MMS22L: variants seen among roughly 807,000 people sequenced by gnomAD.
MMS22L encodes the protein protein MMS22-like.
MMS22L carries 74 observed loss-of-function variants against 159.1 expected under a neutral mutation model. That is an observed-to-expected ratio of 0.47 (90% CI 0.39 to 0.56). The LOEUF is 0.56. Ranked by LOEUF, MMS22L falls within the 20% of genes least tolerant of loss-of-function variation. The probability of loss-of-function intolerance (pLI) is 0.00; values close to 1 mark genes in which losing one functional copy is unlikely to be tolerated. For synonymous variants in MMS22L, 517 were observed against 506.9 expected (o/e 1.02, Z -0.27); for missense variants, 1,351 against 1,422.1 (o/e 0.95, Z 0.80).
rs562911705 is a variant in MMS22L at position 97,279,887 on chromosome 6, A to G, written c.291-989T>C. On this transcript the variant is annotated intron_variant, in intron 3 of 24. Coordinates refer to ENST00000683635, the MANE Select transcript of MMS22L (RefSeq NM_001350599.2). ...TCATACAGTTATACAATAGAAGTTCAAAAAAGGAATAATGTAGACTAAAGT... is the reference window on the plus strand; with the variant it reads ...TCATACAGTTATACAATAGAAGTTCGAAAAAGGAATAATGTAGACTAAAGT... Among the ~76,000 whole-genome samples the G allele has an allele frequency of 2.0e-4, 30 of 152,310 alleles. 1 individual carries two copies. Among genetic ancestry groups the G allele is most frequent in the Middle Eastern group, 3.4e-3 (1 of 292 alleles).
At chr6:97,199,290 T>C (rs568231773) in intron 14 of MMS22L, among the ~76,000 whole-genome samples, 4 of 152,182 alleles carry the variant, frequency 2.6e-5, no homozygotes, top group Non-Finnish European at 5.9e-5. Flanking sequence ...TTTTTCCTAA[T>C]TGTTGGTAAT....
At position 97,263,466 on chromosome 6, in the gene MMS22L, A is replaced by G. The variant is rs750247808; in HGVS notation, c.829-18T>C. ...GACCTAACCTATAGAAAATAACCAA[A>G]ATGTGTTATTTATAAGACAGCAGCA... is the stretch of plus-strand genomic sequence containing the variant. On this transcript the variant is annotated intron_variant, in intron 8 of 24. Transcript: ENST00000683635. The G allele has an allele frequency of 5.2e-6, 7 of 1,333,674 alleles. No homozygotes were observed. Among genetic ancestry groups the G allele is most frequent in the Non-Finnish European group, 7.2e-6 (7 of 977,520 alleles). The allele number at this position is 1,333,674 out of a possible 1,614,324, so 82.6% of individuals were successfully genotyped here. A position where few individuals can be genotyped will look rare whatever the true frequency, so the allele number is the denominator to read the frequency against.
chr6:97,165,099 A>T lies in MMS22L; in HGVS notation c.3221+147T>A, dbSNP rs988259454. ...CCATAAGCAAATGTCATTTTAATAA[A>T]ATCTTAGATAATGCTTCTCAGGAAA... On this transcript the variant is annotated intron_variant, in intron 21 of 24. Transcript: ENST00000683635. 11 of 644,502 alleles carry T rather than the reference A, an allele frequency of 1.7e-5. No individual in the cohort carries two copies. The African/African-American group carries it at 1.8e-4, about 11-fold the overall frequency. The allele number at this position is 644,502 out of a possible 1,614,324, so 39.9% of individuals were successfully genotyped here.
chr6:97,240,777 C>T (rs925888479), intron 11 of MMS22L, among the ~76,000 whole-genome samples: 1 of 152,218 alleles, frequency 6.6e-6, no homozygotes, highest in Admixed American at 6.5e-5. Flanking sequence ...CAGGCACATG[C>T]CACCACACCC....
chr6:97,206,382 TACACAC>T (rs58135635), intron 14 of MMS22L, among the ~76,000 whole-genome samples: 5 of 146,734 alleles, frequency 3.4e-5, no homozygotes, highest in East Asian at 2.0e-4. Flanking sequence ...ACCTCGCATG[TACACAC>T]ACACACACAC....
intron 4 of MMS22L, among the ~76,000 whole-genome samples, chr6:97,273,562 T>G (rs1385893965): frequency 6.6e-6 from 1 of 152,194 alleles, no homozygotes; most frequent in East Asian, 1.9e-4. Context: ...CTCCAGACCT[T>G]CCGTGTTAAA....
At chr6:97,196,747 C>T (rs1039154599) in intron 14 of MMS22L, among the ~76,000 whole-genome samples, 14 of 151,928 alleles carry the variant, frequency 9.2e-5, no homozygotes, top group African/African-American at 2.9e-4. Context: ...TGTTACAATG[C>T]TAGTTGTCTC....
At chr6:97,229,699 C>T (rs1348699801) in intron 13 of MMS22L, among the ~76,000 whole-genome samples, 1 of 152,004 alleles carries the variant, frequency 6.6e-6, no homozygotes, top group African/African-American at 2.4e-5. Context: ...ATTCAAGTCC[C>T]CCATCACCTT....
intron 9 of MMS22L, chr6:97,259,960 G>C (rs1228498719): frequency 6.6e-6 from 1 of 152,056 alleles, no homozygotes; most frequent in Non-Finnish European, 1.5e-5. Context: ...CAAAATCCTT[G>C]GCTCACACTT....
chr6:97,162,710 G>T (rs1417437648), intron 21 of MMS22L, among the ~76,000 whole-genome samples: 1 of 151,816 alleles, frequency 6.6e-6, no homozygotes, highest in African/African-American at 2.4e-5. Context: ...ACTAATTTAG[G>T]ATTTAGCATT....
At chr6:97,256,493 A>G (rs1044376178) in intron 9 of MMS22L, among the ~76,000 whole-genome samples, 2 of 152,104 alleles carry the variant, frequency 1.3e-5, no homozygotes, top group East Asian at 1.9e-4. Flanking sequence ...GATTCTCTTC[A>G]ATTTTGCTTC....
At chr6:97,217,321 C>G (rs930539280) in intron 14 of MMS22L, among the ~76,000 whole-genome samples, 2 of 152,162 alleles carry the variant, frequency 1.3e-5, no homozygotes, top group African/African-American at 4.8e-5. Flanking sequence ...TCTCGGCTCA[C>G]TGAAGTCTCC....
At position 97,173,131 on chromosome 6, in the gene MMS22L, T is replaced by C. The variant is rs1245062985; in HGVS notation, c.2771A>G (p.Lys924Arg). 6.2e-7 allele frequency: 1 copy of C among 1,613,744 alleles called. No individual in the cohort carries two copies. Among genetic ancestry groups the C allele is most frequent in the East Asian group, 2.2e-5 (1 of 44,828 alleles). ...KSLEYLGEVL[K>R]YIKPYLGKKV... ...TTTTCCCAAATAAGGCTTAATATAT[T>C]TTAATACTTCACCAAGGTATTCCAA... Residue 924 changes from lysine to arginine, a missense_variant, in exon 19 of 25, where the codon AAA (lysine) becomes AGA (arginine). Physicochemically the swap from Lys to Arg is conservative, Grantham distance 26. Transcript: ENST00000683635.
intron 10 of MMS22L, among the ~76,000 whole-genome samples, chr6:97,246,932 T>C (rs1812712490): frequency 6.6e-6 from 1 of 151,534 alleles, no homozygotes; most frequent in African/African-American, 2.4e-5. Context: ...TTCAGTAAGA[T>C]TATAAATATT....
At chr6:97,264,111 C>T (rs548541030) in intron 8 of MMS22L, 5 of 152,038 alleles carry the variant, frequency 3.3e-5, no homozygotes, top group South Asian at 2.1e-4. Flanking sequence ...GTACAACAGC[C>T]GCAGATACCT....
chr6:97,228,130 C>T (rs903178361), intron 14 of MMS22L, among the ~76,000 whole-genome samples: 1 of 152,094 alleles, frequency 6.6e-6, no homozygotes, highest in Admixed American at 6.5e-5. Context: ...CTTATGGGCA[C>T]AAAATTACAA....
At chr6:97,247,790 C>A (rs1812826709) in intron 10 of MMS22L, among the ~76,000 whole-genome samples, 2 of 152,058 alleles carry the variant, frequency 1.3e-5, no homozygotes, top group Admixed American at 6.6e-5. Flanking sequence ...AAAAGAAAGA[C>A]CTTCATCATA....
intron 4 of MMS22L, among the ~76,000 whole-genome samples, chr6:97,275,358 C>G (rs955786477): frequency 6.6e-6 from 1 of 152,070 alleles, no homozygotes; most frequent in African/African-American, 2.4e-5. Flanking sequence ...GAAACCCTGT[C>G]TCTACTAAAA....
chr6:97,182,018 G>C lies in MMS22L; in HGVS notation c.2270C>G (p.Ala757Gly). Residue 757 changes from alanine to glycine, a missense_variant, in exon 16 of 25, where the codon GCT (alanine) becomes GGT (glycine). Ala to Gly is a moderately conservative substitution (Grantham distance 60). Transcript: ENST00000683635. Reference sequence around the variant, plus strand: ...TGGCTGAGGCTGAAAATCTGATGGAGCTGTGCTTGGCATGTCCATTGCTAG... The same window carrying C: ...TGGCTGAGGCTGAAAATCTGATGGACCTGTGCTTGGCATGTCCATTGCTAG... ...TLLAMDMPST[A>G]PSDFQPQPVI... The C allele has an allele frequency of 2.5e-6, 4 of 1,613,298 alleles. No homozygotes were observed. The highest frequency in any genetic ancestry group is 3.4e-6 in the Non-Finnish European group (4 of 1,179,582).
Sources: allele counts gnomAD v4.1 joint callset (sites outside exome capture counted in the v4.1 genomes callset), GRCh38; gene constraint gnomAD v4.1.1; transcripts MANE v1.5; gene names NCBI Gene and HGNC (gene_info 2026-07-23, HGNC 2026-07-21).